Variants in GALC observed in about 807,000 individuals in gnomAD.
The protein encoded by GALC is galactosylceramidase, also known as galactocerebrosidase.
A neutral mutation model predicts 91.8 loss-of-function variants in GALC; 77 were observed. That is an observed-to-expected ratio of 0.84 (90% CI 0.70 to 1.01). The LOEUF is 1.01. GALC is among the 50% of genes least tolerant of loss of function. GALC has a pLI of 0.00. For synonymous variants in GALC, 357 were observed against 306.7 expected, an observed-to-expected ratio of 1.16 and a Z score of -1.71; for missense variants, 882 against 855.9, an observed-to-expected ratio of 1.03 and a Z score of -0.38.
intron 6 of GALC, chr14:87,980,717 C>T (rs1759335209): frequency 1.3e-5 from 2 of 152,828 alleles, no homozygotes; most frequent in African/African-American, 4.8e-5. Flanking sequence ...AATTATGACA[C>T]ATTTTAATTG....
chr14:87,966,999 T>G (rs1018843773), intron 8 of GALC, among the ~76,000 whole-genome samples: 1 of 152,178 alleles, frequency 6.6e-6, no homozygotes, highest in Non-Finnish European at 1.5e-5. Context: ...GAGCCTTCCC[T>G]GTAGATTCTG....
intron 6 of GALC, 200 bp from the exon 7 acceptor site, chr14:87,976,688 C>T (rs1886507707): frequency 1.2e-5 from 6 of 489,196 alleles, no homozygotes; most frequent in Non-Finnish European, 2.2e-5. Context: ...GATCTCAGCT[C>T]ACTGCAACCT....
intron 14 of GALC, among the ~76,000 whole-genome samples, chr14:87,944,258 T>G (rs1884975561): frequency 6.6e-6 from 1 of 151,936 alleles, no homozygotes; most frequent in Non-Finnish European, 1.5e-5. Flanking sequence ...TCTCAATCTT[T>G]TTGGAGTCCC....
At chr14:87,943,841 A>G (rs422566) in intron 14 of GALC, among the ~76,000 whole-genome samples, 145,431 of 151,936 alleles carry the variant, frequency 0.96, 69,900 homozygotes, top group Non-Finnish European at 1. Context: ...AGAGGGTGGA[A>G]TACTGGAAAA....
intron 10 of GALC, among the ~76,000 whole-genome samples, chr14:87,956,911 A>T (rs1885580799): frequency 6.6e-6 from 1 of 151,194 alleles, no homozygotes; most frequent in Non-Finnish European, 1.5e-5. Flanking sequence ...TTTTCACCAC[A>T]TGTATGCCAA....
chr14:87,993,652 A>G (rs1396383135), upstream of GALC: 1 of 613,416 alleles, frequency 1.6e-6, no homozygotes, highest in East Asian at 2.8e-5. Flanking sequence ...ACTGAGAGAA[A>G]AGTTAATAAG....
chr14:87,979,039 T>TTTTTC (rs1193952132), intron 6 of GALC, among the ~76,000 whole-genome samples: 42 of 152,192 alleles, frequency 2.8e-4, no homozygotes, highest in Non-Finnish European at 5.4e-4. Flanking sequence ...CATTTCTTTT[T>TTTTTC]TTTTCTTTTC....
At chr14:87,984,283 AT>A in intron 5 of GALC, 110 bp downstream of exon 5, 1 of 1,057,806 alleles carries the variant, frequency 9.5e-7, no homozygotes, top group South Asian at 1.6e-5. Context: ...ATTAGAACAA[AT>A]TAGCCTCATG....
chr14:87,934,411 A>G lies in GALC; in HGVS notation c.*321T>C. 1 of 1,282,700 alleles carries G rather than the reference A, an allele frequency of 7.8e-7. No homozygotes were observed. The highest frequency in any genetic ancestry group is 9.9e-7 in the Non-Finnish European group (1 of 1,007,590). The allele number at this position is 1,282,700 out of a possible 1,614,324, so 79.5% of individuals were successfully genotyped here. Reference sequence around the variant, plus strand: ...ACAGGACCGCTTGCAAATAAGATGAAGAGAGCTACCTCAGTGTTAGCAGCA... The same window carrying G: ...ACAGGACCGCTTGCAAATAAGATGAGGAGAGCTACCTCAGTGTTAGCAGCA... On this transcript the variant is annotated 3_prime_UTR_variant, in exon 17 of 17. Transcript: ENST00000261304.
rs1465986769 is a variant in GALC at position 87,934,452 on chromosome 14, T to C, written c.*280A>G. The C allele has an allele frequency of 1.6e-5, 21 of 1,340,676 alleles. No individual in the cohort carries two copies. The highest frequency in any genetic ancestry group is 3.0e-5 in the African/African-American group (2 of 67,562). The allele number at this position is 1,340,676 out of a possible 1,614,324, so 83.0% of individuals were successfully genotyped here. On this transcript the variant is annotated 3_prime_UTR_variant, in exon 17 of 17. Coordinates refer to ENST00000261304, the MANE Select transcript of GALC (RefSeq NM_000153.4). Reference sequence around the variant, plus strand: ...GTTAGCAGCAAGGCTTCGAGGTCTGTACTACTCAAACCACTCCTAAGGGTA... The same window carrying C: ...GTTAGCAGCAAGGCTTCGAGGTCTGCACTACTCAAACCACTCCTAAGGGTA...
chr14:87,941,888 A>G (rs1387147797), intron 14 of GALC, among the ~76,000 whole-genome samples: 1 of 152,038 alleles, frequency 6.6e-6, no homozygotes, highest in Admixed American at 6.6e-5. Context: ...ACTATTGTCT[A>G]TGAACACATT....
intron 6 of GALC, chr14:87,980,419 G>C: frequency 1.4e-6 from 1 of 692,858 alleles, no homozygotes; most frequent in Non-Finnish European, 1.8e-6. Context: ...GAATACATTA[G>C]CTTACTGATG....
intron 9 of GALC, 72 bp downstream of exon 9, chr14:87,965,433 C>CAGAG: frequency 6.6e-7 from 1 of 1,504,270 alleles, no homozygotes; most frequent in Non-Finnish European, 9.3e-7. Context: ...TTTATATAAT[C>CAGAG]TTCTCTAAGT....
chr14:87,977,318 A>T (rs940695787), intron 6 of GALC, among the ~76,000 whole-genome samples: 2 of 152,198 alleles, frequency 1.3e-5, no homozygotes, highest in African/African-American at 4.8e-5. Context: ...ACAGGAAATA[A>T]ACAAAGCACA....
intron 16 of GALC, among the ~76,000 whole-genome samples, chr14:87,937,775 A>C (rs527514592): frequency 6.6e-6 from 1 of 152,020 alleles, no homozygotes; most frequent in East Asian, 1.9e-4. Flanking sequence ...AATCTCATTC[A>C]TGATTTCAAA....
chr14:87,986,419 C>A (rs1886972217), intron 4 of GALC, 70 bp downstream of exon 4: 3 of 955,946 alleles, frequency 3.1e-6, no homozygotes, highest in Non-Finnish European at 3.3e-6. Flanking sequence ...AGAGATTCCA[C>A]CAACACGATT....
At chr14:87,992,869 A>T in intron 1 of GALC, 101 bp downstream of exon 1, 1 of 1,405,092 alleles carries the variant, frequency 7.1e-7, no homozygotes, top group Non-Finnish European at 9.2e-7. Flanking sequence ...CGGAGAGTGG[A>T]GCCGGTGGAA....
chr14:87,937,131 C>T (rs1247125898), intron 16 of GALC, among the ~76,000 whole-genome samples: 1 of 151,680 alleles, frequency 6.6e-6, no homozygotes, highest in Non-Finnish European at 1.5e-5. Context: ...AAAATCCTCA[C>T]ATTAGCTGTA....
At chr14:87,984,982 C>T (rs1290118743) in intron 4 of GALC, among the ~76,000 whole-genome samples, 1 of 152,144 alleles carries the variant, frequency 6.6e-6, no homozygotes, top group African/African-American at 2.4e-5. Context: ...TTCAATTGTA[C>T]ATCTTCTTAC....
Sources: gnomAD v4.1 joint callset for allele counts (sites outside exome capture counted in the v4.1 genomes callset) on GRCh38, gnomAD v4.1.1 for gene constraint, MANE v1.5 for transcripts, NCBI Gene and HGNC (gene_info 2026-07-23, HGNC 2026-07-21) for gene names.